MPDZ: variants seen among roughly 807,000 people sequenced by gnomAD.
The protein encoded by MPDZ is multiple PDZ domain crumbs cell polarity complex component, also known as multiple PDZ domain protein.
In MPDZ, 234 loss-of-function variants were observed where a neutral mutation model predicts 239.1. That is an observed-to-expected ratio of 0.98 (90% CI 0.88 to 1.09). MPDZ has a LOEUF of 1.09. Among genes scored for constraint, MPDZ ranks in the 50% least tolerant of loss-of-function variants. The pLI is 0.00. For synonymous variants in MPDZ, 1,048 were observed against 881.3 expected, an observed-to-expected ratio of 1.19 and a Z score of -3.35; for missense variants, 3,175 against 2,510.0, an observed-to-expected ratio of 1.26 and a Z score of -5.66.
chr9:13,267,145 T>C (rs1249499669), intron 1 of MPDZ, among the ~76,000 whole-genome samples: 1 of 152,214 alleles, frequency 6.6e-6, no homozygotes, highest in Non-Finnish European at 1.5e-5. Context: ...ATAATAAAAT[T>C]GCATTTAAGA....
intron 24 of MPDZ, among the ~76,000 whole-genome samples, chr9:13,152,875 T>C (rs1173338920): frequency 6.6e-6 from 1 of 152,114 alleles, no homozygotes; most frequent in African/African-American, 2.4e-5. Context: ...ACATACATCT[T>C]GTGAAAAAGC....
At chr9:13,157,893 G>C in intron 24 of MPDZ, 125 bp downstream of exon 24, 1 of 747,064 alleles carries the variant, frequency 1.3e-6, no homozygotes, top group East Asian at 2.7e-5. Context: ...TGATGGGTTA[G>C]AAGTATTAAA....
chr9:13,208,617 T>C (rs1957260264), intron 10 of MPDZ, among the ~76,000 whole-genome samples: 2 of 150,780 alleles, frequency 1.3e-5, no homozygotes, highest in Non-Finnish European at 1.5e-5. Flanking sequence ...TATGTAATTA[T>C]GTATATGTAC....
Position 13,136,147 on chromosome 9 carries a change from G to A in MPDZ, c.4328C>T (p.Pro1443Leu), listed in dbSNP as rs576313246. ...AGGCAAAGGTTCTACTGCATTTCCA[G>A]GACATACGGCCATCTGATTCACTGC... ...KDAVNQMAVC[P>L]GNAVEPLPSN... Residue 1443 changes from proline to leucine, a missense_variant, in exon 31 of 47, where the codon CCT (proline) becomes CTT (leucine). By Grantham distance (98) the Pro-to-Leu change is moderately conservative (BLOSUM62 -3). Transcript: ENST00000319217. 2.2e-5 allele frequency: 35 copies of A among 1,612,658 alleles called. 1 individual carries two copies. The African/African-American group carries it at 4.3e-4, about 20-fold the overall frequency.
At chr9:13,169,547 C>T (rs1285347037) in intron 21 of MPDZ, among the ~76,000 whole-genome samples, 1 of 152,130 alleles carries the variant, frequency 6.6e-6, no homozygotes, top group African/African-American at 2.4e-5. Context: ...TAAGGCAACA[C>T]CTTCTCTTGC....
intron 1 of MPDZ, among the ~76,000 whole-genome samples, chr9:13,256,539 T>C (rs1969482563): frequency 6.6e-6 from 1 of 152,198 alleles, no homozygotes; most frequent in South Asian, 2.1e-4. Context: ...ATTGCAGGGT[T>C]ATTAAATAGC....
At chr9:13,138,262 A>C in intron 28 of MPDZ, 109 bp from the exon 29 acceptor site, 10 of 1,193,306 alleles carry the variant, frequency 8.4e-6, no homozygotes, top group Non-Finnish European at 1.1e-5. Flanking sequence ...TTTATACCAA[A>C]ATGTACGCTT....
intron 1 of MPDZ, among the ~76,000 whole-genome samples, chr9:13,264,925 G>A (rs1248935277): frequency 6.6e-6 from 1 of 152,168 alleles, no homozygotes; most frequent in Non-Finnish European, 1.5e-5. Context: ...TGGGCAGATT[G>A]CCCCTATTTG....
intron 39 of MPDZ, among the ~76,000 whole-genome samples, chr9:13,118,032 C>T (rs1439419661): frequency 2.6e-5 from 4 of 151,884 alleles, no homozygotes; most frequent in South Asian, 2.1e-4. Flanking sequence ...TTAGTAGAGA[C>T]GGGGTTTCTC....
chr9:13,168,820 G>C (rs552932152), intron 21 of MPDZ, among the ~76,000 whole-genome samples: 4 of 152,210 alleles, frequency 2.6e-5, no homozygotes, highest in Admixed American at 6.5e-5. Flanking sequence ...ATGTAATTTA[G>C]ACCATGTGAT....
intron 23 of MPDZ, among the ~76,000 whole-genome samples, chr9:13,160,870 A>ATATATATATATATATAT (rs1554669677): frequency 8.6e-5 from 11 of 127,712 alleles, no homozygotes; most frequent in East Asian, 2.3e-4. Context: ...ATATATATAT[A>ATATATATATATATATAT]AAACAGGTAC....
At chr9:13,137,788 T>A (rs539575612) in intron 29 of MPDZ, among the ~76,000 whole-genome samples, 169 bp downstream of exon 29, 68 of 152,348 alleles carry the variant, frequency 4.5e-4, no homozygotes, top group Admixed American at 3.5e-3. Context: ...ACATGGACTC[T>A]ACTTGGTAGA....
Position 13,222,468 on chromosome 9 carries a change from A to T in MPDZ, c.534-22T>A, listed in dbSNP as rs533276076. On this transcript the variant is annotated intron_variant, in intron 5 of 46. Transcript: ENST00000319217. ...ATCTCTATCAAGGATGCAAAAGGGG[A>T]TAAAAGACAATCTGAGAGTTCTCAA... The T allele has an allele frequency of 4.5e-6, 7 of 1,571,774 alleles. No homozygotes were observed. In the South Asian group the frequency reaches 6.7e-5, roughly 15 times the overall value.
At chr9:13,187,719 T>C (rs1037656167) in intron 17 of MPDZ, among the ~76,000 whole-genome samples, 12 of 152,210 alleles carry the variant, frequency 7.9e-5, no homozygotes, top group Non-Finnish European at 1.8e-4. Flanking sequence ...CAAACCCATA[T>C]TGCTACTTAC....
intron 13 of MPDZ, 35 bp from the exon 14 acceptor site, chr9:13,193,348 T>A (rs749567414): frequency 5.8e-6 from 9 of 1,563,852 alleles, no homozygotes; most frequent in Non-Finnish European, 7.8e-6. Context: ...CCACAATTTT[T>A]ATATTCTTTT....
At chr9:13,122,703 G>C (rs968034271) in intron 36 of MPDZ, among the ~76,000 whole-genome samples, 1 of 152,000 alleles carries the variant, frequency 6.6e-6, no homozygotes, top group African/African-American at 2.4e-5. Flanking sequence ...TTTTAGTAGA[G>C]ATAGGGTTTT....
Position 13,190,255 on chromosome 9 carries a change from C to T in MPDZ, c.2013G>A (p.Glu671=), listed in dbSNP as rs774661764. The part of the protein sequence containing the change: ...LGEFIGSSET[E]DPVLAMTDAG... Reference sequence around the variant, plus strand: ...CATCAGTCATCGCCAGCACTGGATCCTCTGTCTCTGATGACCCGATGAACT... The same window carrying T: ...CATCAGTCATCGCCAGCACTGGATCTTCTGTCTCTGATGACCCGATGAACT... The change falls in exon 16 of 47, where the codon GAG becomes GAA. Residue 671 remains glutamate (E), a synonymous_variant. Coordinates refer to ENST00000319217, the MANE Select transcript of MPDZ (RefSeq NM_001378778.1). The T allele has an allele frequency of 2.5e-6, 4 of 1,610,378 alleles. No individual in the cohort carries two copies. Among genetic ancestry groups the T allele is most frequent in the Admixed American group, 1.7e-5 (1 of 59,712 alleles).
At chr9:13,270,218 T>A (rs1317414752) in intron 1 of MPDZ, among the ~76,000 whole-genome samples, 1 of 152,242 alleles carries the variant, frequency 6.6e-6, no homozygotes, top group Non-Finnish European at 1.5e-5. Flanking sequence ...TTCGTAATAA[T>A]CCAGAAAGGA....
At chr9:13,265,309 C>T (rs895320544) in intron 1 of MPDZ, among the ~76,000 whole-genome samples, 22 of 152,210 alleles carry the variant, frequency 1.4e-4, no homozygotes, top group African/African-American at 5.3e-4. Context: ...TGGGCTCTCA[C>T]CTGTCATCCC....
Sources: gnomAD v4.1 joint callset for allele counts (sites outside exome capture counted in the v4.1 genomes callset) on GRCh38, gnomAD v4.1.1 for gene constraint, MANE v1.5 for transcripts, NCBI Gene and HGNC (gene_info 2026-07-23, HGNC 2026-07-21) for gene names.